The following TLN2 variants were observed in gnomAD, a reference collection of about 807,000 sequenced individuals.
TLN2 encodes the protein talin 2.
A neutral mutation model predicts 294.7 loss-of-function variants in TLN2; 118 were observed. That is an observed-to-expected ratio of 0.40 (90% CI 0.34 to 0.47). The LOEUF (loss-of-function observed/expected upper bound fraction) is 0.47, where lower values mean the gene tolerates loss of function less well. Among genes scored for constraint, TLN2 ranks in the 20% least tolerant of loss-of-function variants. The pLI, the probability that TLN2 is intolerant of heterozygous loss-of-function variation, is 0.84. For synonymous variants in TLN2, 1,431 were observed against 1,304.5 expected (o/e 1.10, Z -2.09); for missense variants, 3,083 against 3,282.2 (o/e 0.94, Z 1.48).
chr15:62,456,633 G>A (rs762317272), intron 1 of TLN2, among the ~76,000 whole-genome samples: 5 of 152,216 alleles, frequency 3.3e-5, no homozygotes, highest in Non-Finnish European at 7.3e-5. Flanking sequence ...GGCCTGTGTA[G>A]GAGACACAGA....
intron 51 of TLN2, among the ~76,000 whole-genome samples, chr15:62,806,780 CAATT>C (rs961365563): frequency 6.6e-6 from 1 of 152,178 alleles, no homozygotes; most frequent in African/African-American, 2.4e-5. Context: ...GCTCAGCAAT[CAATT>C]GATGATCCGC....
At chr15:62,408,618 T>G (rs1343658467) in intron 1 of TLN2, among the ~76,000 whole-genome samples, 2 of 152,210 alleles carry the variant, frequency 1.3e-5, no homozygotes, top group African/African-American at 4.8e-5. Context: ...CCATATTAAC[T>G]TTATTGTAGT....
chr15:62,606,158 T>A (rs2047420686), intron 2 of TLN2, among the ~76,000 whole-genome samples: 1 of 152,084 alleles, frequency 6.6e-6, no homozygotes, highest in African/African-American at 2.4e-5. Flanking sequence ...CTCAGCTCAC[T>A]GCAACCTCCG....
intron 43 of TLN2, among the ~76,000 whole-genome samples, chr15:62,779,769 G>T (rs1471058744): frequency 6.6e-6 from 1 of 152,244 alleles, no homozygotes; most frequent in African/African-American, 2.4e-5. Flanking sequence ...CCGTGATGGG[G>T]ATATAGCATC....
intron 1 of TLN2, among the ~76,000 whole-genome samples, chr15:62,455,152 G>A (rs17271716): frequency 0.016 from 2,446 of 151,678 alleles, 25 homozygotes; most frequent in Non-Finnish European, 0.024. Context: ...AGGGTCTGTC[G>A]TGGGCAAAAG....
chr15:62,517,501 G>A (rs74917061), intron 1 of TLN2, among the ~76,000 whole-genome samples: 9,358 of 152,214 alleles, frequency 0.061, 538 homozygotes, highest in African/African-American at 0.15. Context: ...CATTTGCCGA[G>A]CAGTGGAGAA....
chr15:62,738,404 T>C, intron 30 of TLN2, 71 bp downstream of exon 30: 1 of 1,539,874 alleles, frequency 6.5e-7, no homozygotes, highest in Non-Finnish European at 8.8e-7. Flanking sequence ...GAAGTCTTCT[T>C]CTCTCCATGA....
chr15:62,738,249 C>T lies in TLN2; in HGVS notation c.3603C>T (p.Cys1201=), dbSNP rs746828587. ...AKAVSHSLNN[C]VNCLPGQKDV... Reference sequence around the variant, plus strand: ...CCGTCTCACACTCCTTGAATAACTGCGTAAATTGCCTCCCTGGGCAGAAGG... The same window carrying T: ...CCGTCTCACACTCCTTGAATAACTGTGTAAATTGCCTCCCTGGGCAGAAGG... Residue 1201 remains cysteine (C), a synonymous_variant, in exon 30 of 59, where the codon TGC becomes TGT. Coordinates refer to ENST00000636159, the MANE Select transcript of TLN2 (RefSeq NM_015059.3). The T allele has an allele frequency of 2.1e-5, 34 of 1,614,000 alleles. No homozygotes were observed. The East Asian group carries it at 3.8e-4, about 18-fold the overall frequency.
At chr15:62,674,365 C>T (rs1255496510) in intron 10 of TLN2, among the ~76,000 whole-genome samples, 1 of 152,094 alleles carries the variant, frequency 6.6e-6, no homozygotes, top group Non-Finnish European at 1.5e-5. Context: ...CTAAGGAATC[C>T]AAGATACCAA....
At chr15:62,576,659 T>C (rs1179013587) in intron 1 of TLN2, among the ~76,000 whole-genome samples, 64 of 124,634 alleles carry the variant, frequency 5.1e-4, no homozygotes, top group African/African-American at 1.7e-3. Flanking sequence ...AATGGAATGA[T>C]TCCCCCCCCC....
intron 37 of TLN2, among the ~76,000 whole-genome samples, chr15:62,756,895 C>CA (rs558607516): frequency 1.3e-5 from 2 of 151,008 alleles, no homozygotes; most frequent in East Asian, 2.0e-4. Flanking sequence ...AACAAAGAGT[C>CA]TTTTTTTTTA....
At chr15:62,614,416 G>C (rs921023453) in intron 2 of TLN2, among the ~76,000 whole-genome samples, 4 of 152,148 alleles carry the variant, frequency 2.6e-5, no homozygotes, top group Non-Finnish European at 2.9e-5. Context: ...AGTCATTACA[G>C]CATCAACTAT....
rs1555427562 is a variant in TLN2, at chr15:62,549,480, G to GCATCCATGCATCCATCCATC, written c.-237-40200_-237-40199insGCATCCATCCATCCATCCAT. Among the ~76,000 whole-genome samples, 299 of 147,862 alleles carry GCATCCATGCATCCATCCATC rather than the reference G, an allele frequency of 2.0e-3. 2 individuals are homozygous for GCATCCATGCATCCATCCATC. The highest frequency in any genetic ancestry group is 6.9e-3 in the African/African-American group (273 of 39,708). On this transcript the variant is annotated intron_variant, in intron 1 of 58. Coordinates refer to ENST00000636159, the MANE Select transcript of TLN2 (RefSeq NM_015059.3). ...CTCAGAGGCCTGCCATGCATGCCAT[G>GCATCCATGCATCCATCCATC]CATCCATCCATCCATCCATCCATCC...
chr15:62,524,720 G>T (rs1189543607), intron 1 of TLN2, among the ~76,000 whole-genome samples: 1 of 152,166 alleles, frequency 6.6e-6, no homozygotes, highest in Non-Finnish European at 1.5e-5. Flanking sequence ...TTAGAATTCA[G>T]AATCAGTTGG....
At chr15:62,719,700 T>C (rs2060005264) in intron 24 of TLN2, 67 bp from the exon 25 acceptor site, 1 of 1,319,600 alleles carries the variant, frequency 7.6e-7, no homozygotes, top group East Asian at 2.5e-5. Context: ...ACTTGGGTCA[T>C]GGTCTAGCTT....
At position 62,526,330 on chromosome 15, in the gene TLN2, A is replaced by G. The variant is rs140231290; in HGVS notation, c.-237-63357A>G. Among the ~76,000 whole-genome samples the G allele has an allele frequency of 1.2e-4, 19 of 152,278 alleles. No homozygotes were observed. The East Asian group carries it at 3.5e-3, about 28-fold the overall frequency. ...TTTTTAGTAGAGATGGGTTTTCACC[A>G]TGTTGGCCAGGCTGGTCATTATTTC... On this transcript the variant is annotated intron_variant, in intron 1 of 58. Transcript: ENST00000636159.
At chr15:62,597,315 A>G (rs1178445696) in intron 2 of TLN2, among the ~76,000 whole-genome samples, 2 of 152,178 alleles carry the variant, frequency 1.3e-5, no homozygotes, top group African/African-American at 4.8e-5. Context: ...AGTAAGTGGT[A>G]TTTCCTCTAT....
intron 1 of TLN2, among the ~76,000 whole-genome samples, chr15:62,422,629 A>G (rs1051969289): frequency 1.3e-5 from 2 of 152,020 alleles, no homozygotes; most frequent in African/African-American, 2.4e-5. Flanking sequence ...AAGAGTGTCT[A>G]CCCTTGGTCC....
At chr15:62,690,086 C>T (rs1311770158) in intron 12 of TLN2, among the ~76,000 whole-genome samples, 1 of 101,058 alleles carries the variant, frequency 9.9e-6, no homozygotes, top group Admixed American at 9.6e-5. Flanking sequence ...GGCGGCCGGC[C>T]GGGCGGGGGG....
Sources: gnomAD v4.1 joint callset for allele counts (sites outside exome capture counted in the v4.1 genomes callset) on GRCh38, gnomAD v4.1.1 for gene constraint, MANE v1.5 for transcripts, NCBI Gene and HGNC (gene_info 2026-07-23, HGNC 2026-07-21) for gene names.